The following SCNN1A variants were observed in gnomAD, a reference collection of about 807,000 sequenced individuals.
SCNN1A encodes sodium channel epithelial 1 subunit alpha, also known as epithelial sodium channel subunit alpha.
A neutral mutation model predicts 68.6 loss-of-function variants in SCNN1A; 65 were observed. The ratio of observed to expected loss-of-function variants is 0.95; its 90% confidence interval spans 0.78 to 1.16. SCNN1A has a LOEUF of 1.16. Among genes scored for constraint, SCNN1A ranks in the 50% most tolerant of loss-of-function variants. The pLI, the probability that SCNN1A is intolerant of heterozygous loss-of-function variation, is 0.00. For missense variants in SCNN1A, 880 were observed against 865.9 expected, an observed-to-expected ratio of 1.02 and a Z score of -0.20; for synonymous variants, 357 against 353.3, an observed-to-expected ratio of 1.01 and a Z score of -0.12.
chr12:6,365,642 C>T (rs1335489651), intron 2 of SCNN1A, among the ~76,000 whole-genome samples: 4 of 151,910 alleles, frequency 2.6e-5, no homozygotes, highest in Non-Finnish European at 5.9e-5. Context: ...CAACTGAATA[C>T]TGTATTGGAA....
chr12:6,355,992 C>T, intron 4 of SCNN1A, 112 bp from the exon 5 acceptor site: 1 of 798,300 alleles, frequency 1.3e-6, no homozygotes, highest in East Asian at 2.4e-5. Context: ...AGGACTTGTG[C>T]CTTTCAGAGC....
In SCNN1A at chr12:6,347,671, C is replaced by T. The variant is rs1393127952; in HGVS notation, c.*202G>A. On this transcript the variant is annotated 3_prime_UTR_variant, in exon 13 of 13. Transcript: ENST00000228916. ...GTACCAAGGGGTACAGGGCTGGAGCCAAGGCACTTCTGGGCAGCTTCATCA... is the reference window on the plus strand; with the variant it reads ...GTACCAAGGGGTACAGGGCTGGAGCTAAGGCACTTCTGGGCAGCTTCATCA... The T allele has an allele frequency of 4.8e-6, 3 of 624,810 alleles. No individual in the cohort carries two copies. The highest frequency in any genetic ancestry group is 5.8e-6 in the Non-Finnish European group (2 of 346,726). 38.7% of individuals were successfully genotyped at this position (624,810 alleles called of 1,614,324 possible). A position where few individuals can be genotyped will look rare whatever the true frequency, so the allele number is the denominator to read the frequency against.
At chr12:6,371,220 C>T (rs149709283) in intron 2 of SCNN1A, among the ~76,000 whole-genome samples, 1 of 152,014 alleles carries the variant, frequency 6.6e-6, no homozygotes, top group Non-Finnish European at 1.5e-5. Flanking sequence ...CCGATCTCCT[C>T]GGTAGGAGTC....
chr12:6,347,851 G>C lies in SCNN1A; in HGVS notation c.*22C>G. ...CCACCAGAGGAGCATCTGCCTTGGT[G>C]TGAGAAACCTCTCCTTCCCTCTCAG... is the stretch of plus-strand genomic sequence containing the variant. On this transcript the variant is annotated 3_prime_UTR_variant, in exon 13 of 13. Transcript: ENST00000228916. 6.3e-7 allele frequency: 1 copy of C among 1,591,284 alleles called. No individual in the cohort carries two copies. Among genetic ancestry groups the C allele is most frequent in the Non-Finnish European group, 8.6e-7 (1 of 1,166,296 alleles).
chr12:6,350,905 G>C (rs1948377058), intron 8 of SCNN1A, among the ~76,000 whole-genome samples: 1 of 152,118 alleles, frequency 6.6e-6, no homozygotes, highest in Admixed American at 6.6e-5. Context: ...AGAACTGGCA[G>C]GATGTGGAGA....
chr12:6,360,095 A>G (rs1011544332), intron 4 of SCNN1A, among the ~76,000 whole-genome samples: 16 of 152,174 alleles, frequency 1.1e-4, no homozygotes, highest in African/African-American at 3.4e-4. Context: ...AGCAACACAA[A>G]ATGGACTAAC....
At chr12:6,361,478 G>C (rs1465739497) in intron 4 of SCNN1A, among the ~76,000 whole-genome samples, 1 of 152,156 alleles carries the variant, frequency 6.6e-6, no homozygotes, top group Non-Finnish European at 1.5e-5. Context: ...GGTGGCTCAC[G>C]CCTGTAATCC....
At position 6,363,433 on chromosome 12, in the gene SCNN1A, C is replaced by CGGGTG. The variant is rs1448412095; in HGVS notation, c.684+9_684+10insCACCC. On this transcript the variant is annotated intron_variant, in intron 3 of 12. Transcript: ENST00000228916. ...GGGCGGGGCGGGCCCCTCGGCGCTG[C>CGGGTG]GGGCCTCACCAGCTGGAAGCCGATC... is the stretch of plus-strand genomic sequence containing the variant. 1 of 1,544,254 alleles carries CGGGTG rather than the reference C, an allele frequency of 6.5e-7. No homozygotes were observed. Among genetic ancestry groups the CGGGTG allele is most frequent in the African/African-American group, 1.4e-5 (1 of 72,228 alleles).
Position 6,354,427 on chromosome 12 carries a change from T to G in SCNN1A, c.1360+11A>C. On this transcript the variant is annotated intron_variant, in intron 8 of 12. Transcript: ENST00000228916. ...TCAGTGGGGCAGGGTGGGGGCTCCCTGGAGTCTCACCCCAGGAACTGTGCT... is the reference window on the plus strand; with the variant it reads ...TCAGTGGGGCAGGGTGGGGGCTCCCGGGAGTCTCACCCCAGGAACTGTGCT... 7 of 1,587,998 alleles carry G rather than the reference T, an allele frequency of 4.4e-6. No individual in the cohort carries two copies. The highest frequency in any genetic ancestry group is 5.2e-6 in the Non-Finnish European group (6 of 1,157,648).
chr12:6,353,763 G>A (rs1367309936), intron 8 of SCNN1A: 3 of 125,050 alleles, frequency 2.4e-5, no homozygotes, highest in African/African-American at 1.1e-4. Context: ...CTAATTTTTT[G>A]TATTTTTAGT....
chr12:6,374,616 T>C lies in SCNN1A; in HGVS notation c.168A>G (p.Arg56=). The C allele has an allele frequency of 6.2e-7, 1 of 1,613,858 alleles. No homozygotes were observed. Among genetic ancestry groups the C allele is most frequent in the Non-Finnish European group, 8.5e-7 (1 of 1,179,890 alleles). The change falls in exon 2 of 13, where the codon CGA becomes CGG. Residue 56 remains arginine, a synonymous_variant. Coordinates refer to ENST00000228916, the MANE Select transcript of SCNN1A (RefSeq NM_001038.6). The surrounding 1 kb of genome is among the most constrained non-coding windows in gnomAD (Gnocchi z 6.2). Reference sequence around the variant, plus strand: ...TGTTGCAGAAGAACTCGAAGAGCTCTCGGTAGGAGCGGTGGAACTCGATCA... The same window carrying C: ...TGTTGCAGAAGAACTCGAAGAGCTCCCGGTAGGAGCGGTGGAACTCGATCA... ...EALIEFHRSY[R]ELFEFFCNNT...
Position 6,347,878 on chromosome 12 carries a change from G to C in SCNN1A, c.2005C>G (p.Pro669Ala), listed in dbSNP as rs576872942. 3.8e-6 allele frequency: 6 copies of C among 1,597,798 alleles called. No individual in the cohort carries two copies. Among genetic ancestry groups the C allele is most frequent in the Non-Finnish European group, 5.1e-6 (6 of 1,171,292 alleles). Reference sequence around the variant, plus strand: ...GAGAAACCTCTCCTTCCCTCTCAGGGCCCCCCCAGAGGACAGGTGGAGGAA... The same window carrying C: ...GAGAAACCTCTCCTTCCCTCTCAGGCCCCCCCCAGAGGACAGGTGGAGGAA... Reference protein sequence around the residue: ...ASSSTCPLGGP With the variant: ...ASSSTCPLGGA The change falls in exon 13 of 13, where the codon CCC becomes GCC. Residue 669 changes from proline to alanine, a missense_variant. By Grantham distance (27) the Pro-to-Ala change is conservative. This residue lies in a region of SCNN1A where 758 missense variants were observed against 721.8 expected (regional missense o/e 1.05). Coordinates refer to ENST00000228916, the MANE Select transcript of SCNN1A (RefSeq NM_001038.6).
Position 6,363,423 on chromosome 12 carries a change from C to G in SCNN1A, c.684+20G>C, listed in dbSNP as rs984435314. ...GGCCGGCGAGGGGCGGGGCGGGCCC[C>G]TCGGCGCTGCGGGCCTCACCAGCTG... On this transcript the variant is annotated intron_variant, in intron 3 of 12. Coordinates refer to ENST00000228916, the MANE Select transcript of SCNN1A (RefSeq NM_001038.6). The G allele has an allele frequency of 6.6e-7, 1 of 1,519,940 alleles. No individual in the cohort carries two copies. Among genetic ancestry groups the G allele is most frequent in the African/African-American group, 1.4e-5 (1 of 71,174 alleles). 94.2% of individuals were successfully genotyped at this position (1,519,940 alleles called of 1,614,324 possible).
chr12:6,357,608 T>C (rs1948518940), intron 4 of SCNN1A, among the ~76,000 whole-genome samples: 1 of 152,112 alleles, frequency 6.6e-6, no homozygotes, highest in Non-Finnish European at 1.5e-5. Context: ...ATACCATTTA[T>C]ATAAATTAAA....
At chr12:6,357,402 C>T (rs929344484) in intron 4 of SCNN1A, among the ~76,000 whole-genome samples, 6 of 151,870 alleles carry the variant, frequency 4.0e-5, no homozygotes, top group African/African-American at 7.3e-5. Flanking sequence ...GGTGAAACCC[C>T]GTCTCTACCA....
chr12:6,355,971 T>G (rs1948490368), intron 4 of SCNN1A, 91 bp from the exon 5 acceptor site: 1 of 865,606 alleles, frequency 1.2e-6, no homozygotes, highest in Non-Finnish European at 2.0e-6. Flanking sequence ...TCCACTCTCT[T>G]AAACTCCTAC....
At position 6,372,480 on chromosome 12, in the gene SCNN1A, T is replaced by C. The variant is rs1948810637; in HGVS notation, c.416+1888A>G. On this transcript the variant is annotated intron_variant, in intron 2 of 12. Transcript: ENST00000228916. This position sits in a 1 kb window ranked among gnomAD's most constrained non-coding sequence, Gnocchi z 5.8. ...GAAGGAGGGATTCTTTCTGGGCAGA[T>C]GGCTGCCTCCCAGCCTGCAGGCCCC... Among the ~76,000 whole-genome samples the C allele has an allele frequency of 1.3e-5, 2 of 152,210 alleles. No individual in the cohort carries two copies. The highest frequency in any genetic ancestry group is 2.9e-5 in the Non-Finnish European group (2 of 68,034).
Position 6,347,843 on chromosome 12 carries a change from G to A in SCNN1A, c.*30C>T. 1 of 1,578,580 alleles carries A rather than the reference G, an allele frequency of 6.3e-7. No homozygotes were observed. The highest frequency in any genetic ancestry group is 8.7e-7 in the Non-Finnish European group (1 of 1,155,498). On this transcript the variant is annotated 3_prime_UTR_variant, in exon 13 of 13. Coordinates refer to ENST00000228916, the MANE Select transcript of SCNN1A (RefSeq NM_001038.6). ...GCACCCTCCCACCAGAGGAGCATCT[G>A]CCTTGGTGTGAGAAACCTCTCCTTC...
At chr12:6,361,522 C>T (rs1948578691) in intron 4 of SCNN1A, among the ~76,000 whole-genome samples, 1 of 152,126 alleles carries the variant, frequency 6.6e-6, no homozygotes. Context: ...GGCAGATCAC[C>T]TGAGGTCAGG....
Sources: allele counts gnomAD v4.1 joint callset (sites outside exome capture counted in the v4.1 genomes callset), GRCh38; gene constraint gnomAD v4.1.1; regional missense constraint gnomAD v4.1.1; non-coding constraint Gnocchi (gnomAD v3.1); transcripts MANE v1.5; gene names NCBI Gene and HGNC (gene_info 2026-07-23, HGNC 2026-07-21).